Variants in MYZAP observed in about 807,000 individuals in gnomAD.
MYZAP encodes the protein myocardial zonula adherens protein, also known as GRINL1A complex locus upstream.
In MYZAP, 66 loss-of-function variants were observed where a neutral mutation model predicts 69.4. The observed-to-expected ratio is 0.95, with a 90% confidence interval of 0.78 to 1.17. The LOEUF (loss-of-function observed/expected upper bound fraction) is 1.17. Among genes scored for constraint, MYZAP ranks in the 50% most tolerant of loss-of-function variants. MYZAP has a pLI of 0.00. For synonymous variants in MYZAP, 256 were observed against 205.9 expected, an observed-to-expected ratio of 1.24 and a Z score of -2.09; for missense variants, 611 against 556.2, an observed-to-expected ratio of 1.10 and a Z score of -0.99.
chr15:57,679,274 T>C (rs2039302578), intron 12 of MYZAP, among the ~76,000 whole-genome samples: 1 of 152,086 alleles, frequency 6.6e-6, no homozygotes, highest in Non-Finnish European at 1.5e-5. Context: ...TGATCAGTAT[T>C]ATCACATGAT....
At chr15:57,668,894 A>ATATATTTTTTTTT (rs1252525814) in intron 11 of MYZAP, among the ~76,000 whole-genome samples, 2 of 62,608 alleles carry the variant, frequency 3.2e-5, no homozygotes, top group African/African-American at 7.9e-5. Context: ...ATATATATAT[A>ATATATTTTTTTTT]TTTTTTTTTT....
rs913774616 is a variant in MYZAP at position 57,621,455 on chromosome 15, G to A, written c.319-153G>A. On this transcript the variant is annotated intron_variant, in intron 3 of 12. Transcript: ENST00000267853. ...TCTCGATCTCCTGACCTTGTGATCC[G>A]CCTGCCTCGGCCTCCCAAAGTGCTG... is the stretch of plus-strand genomic sequence containing the variant. Among the ~76,000 whole-genome samples the A allele has an allele frequency of 5.9e-5, 9 of 152,084 alleles. No individual in the cohort carries two copies. The South Asian group carries it at 1.0e-3, about 18-fold the overall frequency.
intron 1 of MYZAP, chr15:57,599,608 C>G: frequency 7.8e-7 from 1 of 1,289,024 alleles, no homozygotes; most frequent in Admixed American, 2.3e-5. Context: ...AGTGCCCTAC[C>G]TGCCTTTCAG....
At chr15:57,649,180 A>G (rs2037602843) in intron 10 of MYZAP, among the ~76,000 whole-genome samples, 1 of 152,320 alleles carries the variant, frequency 6.6e-6, no homozygotes, top group East Asian at 1.9e-4. Flanking sequence ...TTTACAAACA[A>G]TACCAACATG....
intron 2 of MYZAP, 118 bp from the exon 3 acceptor site, chr15:57,617,915 G>T (rs1368213429): frequency 2.2e-6 from 3 of 1,357,174 alleles, no homozygotes; most frequent in Non-Finnish European, 1.9e-6. Flanking sequence ...CATCTCCACT[G>T]CCAGGCAATG....
At chr15:57,667,498 G>T (rs911579921) in intron 11 of MYZAP, among the ~76,000 whole-genome samples, 2 of 152,232 alleles carry the variant, frequency 1.3e-5, no homozygotes, top group South Asian at 4.1e-4. Context: ...CTCAATCCCA[G>T]AAGCAATCTT....
At chr15:57,658,645 G>A (rs1016986600) in intron 10 of MYZAP, among the ~76,000 whole-genome samples, 2 of 152,088 alleles carry the variant, frequency 1.3e-5, no homozygotes, top group African/African-American at 4.8e-5. Context: ...TCACCTTTTC[G>A]GAAAGGCAAG....
intron 8 of MYZAP, among the ~76,000 whole-genome samples, chr15:57,636,538 G>A (rs1157365213): frequency 2.6e-5 from 4 of 152,112 alleles, no homozygotes; most frequent in Admixed American, 1.3e-4. Flanking sequence ...TGGAATTTCC[G>A]AACATAAAGA....
intron 1 of MYZAP, among the ~76,000 whole-genome samples, chr15:57,601,272 AC>A (rs1567199210): frequency 1.1e-5 from 1 of 91,882 alleles, no homozygotes; most frequent in African/African-American, 5.5e-5. Flanking sequence ...GTGTGTGCAC[AC>A]TTGTGTGTGT....
chr15:57,599,762 G>A (rs2140321610), intron 1 of MYZAP: 2 of 1,226,666 alleles, frequency 1.6e-6, no homozygotes, highest in Admixed American at 4.6e-5. Context: ...GATTGCGGAA[G>A]GTGAATGAAT....
intron 12 of MYZAP, among the ~76,000 whole-genome samples, chr15:57,675,520 G>A (rs1438080385): frequency 2.0e-5 from 3 of 152,140 alleles, no homozygotes; most frequent in African/African-American, 7.2e-5. Context: ...ATACAAGAGG[G>A]AGGATCTAAA....
At chr15:57,656,049 T>C (rs1367659042) in intron 10 of MYZAP, among the ~76,000 whole-genome samples, 1 of 152,200 alleles carries the variant, frequency 6.6e-6, no homozygotes, top group African/African-American at 2.4e-5. Flanking sequence ...AAGGGTAAAT[T>C]GAAGGTCAAA....
chr15:57,652,136 G>A (rs1429938296), intron 10 of MYZAP, among the ~76,000 whole-genome samples: 1 of 152,100 alleles, frequency 6.6e-6, no homozygotes, highest in Non-Finnish European at 1.5e-5. Flanking sequence ...ACCCAATCAA[G>A]CATCATGAAG....
chr15:57,657,558 T>A (rs2038067775), intron 10 of MYZAP, among the ~76,000 whole-genome samples: 1 of 152,186 alleles, frequency 6.6e-6, no homozygotes, highest in Non-Finnish European at 1.5e-5. Flanking sequence ...TTTTTAGTGT[T>A]TGTGTAGTAT....
chr15:57,622,085 C>G (rs926477768), intron 4 of MYZAP, among the ~76,000 whole-genome samples: 1 of 151,936 alleles, frequency 6.6e-6, no homozygotes, highest in Non-Finnish European at 1.5e-5. Context: ...ACCTGGAAAG[C>G]TCAAGTGAAC....
intron 10 of MYZAP, among the ~76,000 whole-genome samples, chr15:57,650,301 A>T (rs1361186059): frequency 6.6e-6 from 1 of 152,154 alleles, no homozygotes; most frequent in Non-Finnish European, 1.5e-5. Context: ...GATGAGGAGG[A>T]GCCAGGTACA....
intron 10 of MYZAP, among the ~76,000 whole-genome samples, chr15:57,655,435 G>T (rs1426870424): frequency 6.6e-6 from 1 of 152,174 alleles, no homozygotes; most frequent in Non-Finnish European, 1.5e-5. Context: ...CATTAAAAGC[G>T]TAGGGGGTTT....
At chr15:57,596,146 A>G (rs2034043229) in intron 1 of MYZAP, among the ~76,000 whole-genome samples, 4 of 152,198 alleles carry the variant, frequency 2.6e-5, no homozygotes, top group Admixed American at 2.6e-4. Context: ...ATTTATGGAG[A>G]TCCCATGGCT....
At chr15:57,601,061 G>T (rs1326995669) in intron 1 of MYZAP, among the ~76,000 whole-genome samples, 1 of 152,104 alleles carries the variant, frequency 6.6e-6, no homozygotes, top group Non-Finnish European at 1.5e-5. Flanking sequence ...GGGCGACAGA[G>T]CAAGACCCAG....
Sources: allele counts gnomAD v4.1 joint callset (sites outside exome capture counted in the v4.1 genomes callset), GRCh38; gene constraint gnomAD v4.1.1; transcripts MANE v1.5; gene names NCBI Gene and HGNC (gene_info 2026-07-23, HGNC 2026-07-21).